Variants in MYT1L observed in about 807,000 individuals in gnomAD.
The protein encoded by MYT1L is myelin transcription factor 1 like.
Under a neutral mutation model 126.7 loss-of-function variants are expected in MYT1L, and 12 were observed. That is an observed-to-expected ratio of 0.09 (90% confidence interval 0.06 to 0.15). The LOEUF is 0.15. Among genes scored for constraint, MYT1L ranks in the 10% least tolerant of loss-of-function variants. MYT1L has a pLI of 1.00. For synonymous variants in MYT1L, 541 were observed against 604.2 expected (o/e 0.90, Z 1.53); for missense variants, 979 against 1,585.2 (o/e 0.62, Z 6.49).
rs369828921 is a variant in MYT1L at position 1,971,783 on chromosome 2, G to A, written c.152+7382C>T. Among the ~76,000 whole-genome samples, 7 of 152,188 alleles carry A rather than the reference G, an allele frequency of 4.6e-5. No homozygotes were observed. The East Asian group carries it at 5.8e-4, about 13-fold the overall frequency. On this transcript the variant is annotated intron_variant, in intron 8 of 24. Coordinates refer to ENST00000647738, the MANE Select transcript of MYT1L (RefSeq NM_001303052.2). ...ACAAAAGAGGAGGCCTGAATTTTGTGTCTGCAAATCCTATGGGTACTCAGG... is the reference window on the plus strand; with the variant it reads ...ACAAAAGAGGAGGCCTGAATTTTGTATCTGCAAATCCTATGGGTACTCAGG...
At chr2:2,077,713 G>A (rs1449523460) in intron 3 of MYT1L, among the ~76,000 whole-genome samples, 1 of 152,116 alleles carries the variant, frequency 6.6e-6, no homozygotes, top group Non-Finnish European at 1.5e-5. Flanking sequence ...TATCAATAAA[G>A]TTCTCTATTT....
At chr2:1,813,824 GA>G (rs1311495103) in intron 21 of MYT1L, among the ~76,000 whole-genome samples, 1 of 135,148 alleles carries the variant, frequency 7.4e-6, no homozygotes, top group Admixed American at 7.7e-5. Context: ...TCAGGAGATC[GA>G]GACCATCCTG....
rs936049615 is a variant in MYT1L, at chr2:2,224,324, C to A, written c.-420-51336G>T. On this transcript the variant is annotated intron_variant, in intron 2 of 24. Transcript: ENST00000647738. The surrounding 1 kb of genome is among the most constrained non-coding windows in gnomAD (Gnocchi z 4.0). The stretch of plus-strand genomic sequence containing the variant: ...CACCCAGAAAGGAGGCGTGGCGAGA[C>A]CTTCCAGCAGACAGCAAAGGAAGAA... 6.6e-6 allele frequency among the ~76,000 whole-genome samples: 1 copy of A among 152,056 alleles called. No individual in the cohort carries two copies. The highest frequency in any genetic ancestry group is 1.5e-5 in the Non-Finnish European group (1 of 68,030).
rs11443833 is a variant in MYT1L at position 1,966,775 on chromosome 2, GA to G, written c.152+12389del. 1.8e-3 allele frequency among the ~76,000 whole-genome samples: 259 copies of G among 145,678 alleles called. 2 individuals are homozygous for G. In the East Asian group the frequency reaches 0.027, roughly 15 times the overall value. ...ACAAGCTCATGTTATAATGTTAAGT[GA>G]AAAAAAAAAAGAATACAAAATACAA... On this transcript the variant is annotated intron_variant, in intron 8 of 24. Coordinates refer to ENST00000647738, the MANE Select transcript of MYT1L (RefSeq NM_001303052.2).
Position 1,839,021 on chromosome 2 carries a change from T to C in MYT1L, c.3080+128A>G, listed in dbSNP as rs1276889608. On this transcript the variant is annotated intron_variant, in intron 21 of 24. Transcript: ENST00000647738. The stretch of plus-strand genomic sequence containing the variant: ...GAATTTTGTTAGGTTGGTACGATAG[T>C]TTTCAGCCTTTTCTTTCTAAACACA... The C allele has an allele frequency of 7.2e-6, 6 of 838,938 alleles. No homozygotes were observed. The Admixed American group carries it at 1.7e-4, about 24-fold the overall frequency. 52.0% of individuals were successfully genotyped at this position (838,938 alleles called of 1,614,324 possible). A position where few individuals can be genotyped will look rare whatever the true frequency, so the allele number is the denominator to read the frequency against.
At chr2:2,164,495 G>A (rs1483628721) in intron 3 of MYT1L, among the ~76,000 whole-genome samples, 1 of 152,166 alleles carries the variant, frequency 6.6e-6, no homozygotes, top group Non-Finnish European at 1.5e-5. Flanking sequence ...GGTCCGAGCT[G>A]TCCGAGTTTC....
At chr2:1,875,061 G>C (rs769442326) in intron 18 of MYT1L, among the ~76,000 whole-genome samples, 1 of 152,064 alleles carries the variant, frequency 6.6e-6, no homozygotes, top group Non-Finnish European at 1.5e-5. Context: ...TTACTTAAAG[G>C]CCTGGATTTT....
Position 1,875,820 on chromosome 2 carries a change from AG to A in MYT1L, c.2711+10718del, listed in dbSNP as rs1306010415. Among the ~76,000 whole-genome samples, 8 of 152,294 alleles carry A rather than the reference AG, an allele frequency of 5.3e-5. No individual in the cohort carries two copies. The East Asian group carries it at 1.5e-3, about 29-fold the overall frequency. On this transcript the variant is annotated intron_variant, in intron 18 of 24. Coordinates refer to ENST00000647738, the MANE Select transcript of MYT1L (RefSeq NM_001303052.2). ...GCCTGCTTTGTTCAAGGGTCCAGTG[AG>A]GAAGAATTAACTCGCTGCTCCCTCT...
chr2:1,906,105 GA>G (rs1196104288), intron 13 of MYT1L, among the ~76,000 whole-genome samples: 1 of 152,174 alleles, frequency 6.6e-6, no homozygotes, highest in African/African-American at 2.4e-5. Flanking sequence ...AAAATATTTA[GA>G]AGACACAAAA....
At chr2:1,882,869 G>A (rs749309666) in intron 18 of MYT1L, among the ~76,000 whole-genome samples, 1 of 152,134 alleles carries the variant, frequency 6.6e-6, no homozygotes, top group Non-Finnish European at 1.5e-5. Context: ...GCAACATCTT[G>A]ACCTACATTC....
At chr2:1,862,952 C>G (rs536346232) in intron 18 of MYT1L, among the ~76,000 whole-genome samples, 19 of 152,268 alleles carry the variant, frequency 1.2e-4, no homozygotes, top group Non-Finnish European at 1.6e-4. Context: ...ATTACAAATA[C>G]ACCACAGATC....
intron 8 of MYT1L, among the ~76,000 whole-genome samples, chr2:1,948,826 G>C (rs1340892542): frequency 6.6e-6 from 1 of 152,166 alleles, no homozygotes; most frequent in Non-Finnish European, 1.5e-5. Flanking sequence ...ACATCATTCT[G>C]CAAGACTGAG....
chr2:1,853,917 T>C (rs1167111563), intron 18 of MYT1L, among the ~76,000 whole-genome samples: 4 of 152,340 alleles, frequency 2.6e-5, no homozygotes, highest in Non-Finnish European at 4.4e-5. Flanking sequence ...TTAAATGTCA[T>C]TTATGAAAGT....
intron 14 of MYT1L, among the ~76,000 whole-genome samples, chr2:1,893,808 A>T (rs1424630858): frequency 6.6e-6 from 1 of 152,178 alleles, no homozygotes; most frequent in Non-Finnish European, 1.5e-5. Flanking sequence ...ATACAAAGGG[A>T]AAAAAGAAGG....
intron 18 of MYT1L, among the ~76,000 whole-genome samples, chr2:1,884,999 C>T (rs1396768786): frequency 6.6e-6 from 1 of 152,200 alleles, no homozygotes; most frequent in East Asian, 1.9e-4. Flanking sequence ...TGAAGGGATG[C>T]AAGCCAAAGA....
chr2:2,123,411 C>T (rs534100007), intron 3 of MYT1L, among the ~76,000 whole-genome samples: 5 of 152,190 alleles, frequency 3.3e-5, no homozygotes, highest in African/African-American at 4.8e-5. Context: ...ATCTGTGTCC[C>T]GCCCAAATCT....
At chr2:2,260,257 T>C (rs1374568594) in intron 2 of MYT1L, among the ~76,000 whole-genome samples, 1 of 152,316 alleles carries the variant, frequency 6.6e-6, no homozygotes, top group East Asian at 1.9e-4. Context: ...ATCTGTGAAA[T>C]GGGCATTGGA....
intron 5 of MYT1L, among the ~76,000 whole-genome samples, chr2:1,982,355 A>G (rs2060672686): frequency 6.6e-6 from 1 of 152,194 alleles, no homozygotes; most frequent in African/African-American, 2.4e-5. Flanking sequence ...GTAAAATCGT[A>G]TTCTTTAAGG....
chr2:2,182,085 C>T lies in MYT1L; in HGVS notation c.-420-9097G>A, dbSNP rs1410687831. ...AATGGCATGCCCCACTCTGACTACACTGTGTCTTGGAACCATGGCCACGGA... is the reference window on the plus strand; with the variant it reads ...AATGGCATGCCCCACTCTGACTACATTGTGTCTTGGAACCATGGCCACGGA... On this transcript the variant is annotated intron_variant, in intron 2 of 24. Transcript: ENST00000647738. 3.9e-5 allele frequency among the ~76,000 whole-genome samples: 6 copies of T among 152,072 alleles called. No individual in the cohort carries two copies. In the East Asian group the frequency reaches 1.2e-3, roughly 29 times the overall value.
Sources: allele counts gnomAD v4.1 joint callset (sites outside exome capture counted in the v4.1 genomes callset), GRCh38; gene constraint gnomAD v4.1.1; non-coding constraint Gnocchi (gnomAD v3.1); transcripts MANE v1.5; gene names NCBI Gene and HGNC (gene_info 2026-07-23, HGNC 2026-07-21).